PDE1A: variants seen among roughly 807,000 people sequenced by gnomAD.
PDE1A encodes the protein dual specificity calcium/calmodulin-dependent 3',5'-cyclic nucleotide phosphodiesterase 1A.
In PDE1A, 35 loss-of-function variants were observed where a neutral mutation model predicts 61.7. The ratio of observed to expected loss-of-function variants is 0.57; its 90% CI spans 0.43 to 0.75. The LOEUF is 0.75. PDE1A is among the 30% of genes least tolerant of loss of function. PDE1A has a pLI of 0.00. For synonymous variants in PDE1A, 232 were observed against 213.2 expected (o/e 1.09, Z -0.77); for missense variants, 597 against 630.6 (o/e 0.95, Z 0.57).
chr2:182,500,021 A>G (rs1451551090), intron 2 of PDE1A, among the ~76,000 whole-genome samples: 2 of 152,172 alleles, frequency 1.3e-5, no homozygotes, highest in African/African-American at 4.8e-5. Flanking sequence ...ACAAAAACAA[A>G]ATGTCTCTAA....
chr2:182,572,198 G>C, the PDE1A span, among the ~76,000 whole-genome samples: 1 of 152,158 alleles, frequency 6.6e-6, no homozygotes, highest in Admixed American at 6.5e-5. Context: ...TGTGTTTTAT[G>C]TGCTTATACG....
chr2:182,484,016 T>C (rs1240610960), intron 2 of PDE1A, among the ~76,000 whole-genome samples: 1 of 151,800 alleles, frequency 6.6e-6, no homozygotes, highest in African/African-American at 2.4e-5. Flanking sequence ...TTAGATGAAA[T>C]GGACAAATTC....
At chr2:182,555,965 C>CAAAAAAAAAAAAA in the PDE1A span, among the ~76,000 whole-genome samples, 8 of 48,436 alleles carry the variant, frequency 1.7e-4, no homozygotes, top group African/African-American at 8.3e-4. Context: ...AACTCCATCT[C>CAAAAAAAAAAAAA]AAAAAAAAAA....
chr2:182,514,958 ACC>A (rs1352566640), intron 2 of PDE1A, among the ~76,000 whole-genome samples: 4 of 152,186 alleles, frequency 2.6e-5, no homozygotes, highest in Non-Finnish European at 4.4e-5. Flanking sequence ...TTAGCCACAC[ACC>A]CAAACCATGT....
chr2:182,352,973 C>T (rs1170058292), intron 1 of PDE1A, among the ~76,000 whole-genome samples: 2 of 152,170 alleles, frequency 1.3e-5, no homozygotes, highest in African/African-American at 4.8e-5. Context: ...TTTAACATCT[C>T]ATTTCATTTG....
intron 6 of PDE1A, among the ~76,000 whole-genome samples, chr2:182,224,928 C>T (rs755394103): frequency 6.6e-5 from 10 of 151,898 alleles, no homozygotes; most frequent in South Asian, 2.1e-4. Flanking sequence ...GGTACGAATG[C>T]GGAATCCAAA....
chr2:182,619,246 T>C, the PDE1A span, among the ~76,000 whole-genome samples: 1 of 152,120 alleles, frequency 6.6e-6, no homozygotes, highest in African/African-American at 2.4e-5. Flanking sequence ...CTTGGTCAAA[T>C]AGAAAATTTA....
chr2:182,379,353 T>C (rs996071383), intron 1 of PDE1A, among the ~76,000 whole-genome samples: 2 of 152,248 alleles, frequency 1.3e-5, no homozygotes, highest in African/African-American at 4.8e-5. Context: ...AAATTACAAA[T>C]GTCAGTTTCT....
upstream of PDE1A, among the ~76,000 whole-genome samples, chr2:182,428,511 T>C (rs1703752934): frequency 6.6e-6 from 1 of 152,182 alleles, no homozygotes; most frequent in Admixed American, 6.6e-5. Context: ...ATGTCACTGT[T>C]CTCTTTATGA....
upstream of PDE1A, among the ~76,000 whole-genome samples, chr2:182,430,808 G>A (rs1303181096): frequency 7.7e-6 from 1 of 130,290 alleles, no homozygotes; most frequent in Non-Finnish European, 1.7e-5. Flanking sequence ...TCCTTTGTAG[G>A]GACATGGATG....
intron 1 of PDE1A, among the ~76,000 whole-genome samples, chr2:182,313,450 G>A (rs183341311): frequency 6.6e-6 from 1 of 152,094 alleles, no homozygotes; most frequent in East Asian, 1.9e-4. Flanking sequence ...TTTCTACATA[G>A]GCAATCAGAT....
At chr2:182,296,038 A>C (rs1387776588) in intron 1 of PDE1A, among the ~76,000 whole-genome samples, 1 of 152,212 alleles carries the variant, frequency 6.6e-6, no homozygotes, top group African/African-American at 2.4e-5. Flanking sequence ...TGAATATTTT[A>C]AGCAAGGTAA....
At chr2:182,563,022 A>C in the PDE1A span, among the ~76,000 whole-genome samples, 1 of 152,074 alleles carries the variant, frequency 6.6e-6, no homozygotes, top group East Asian at 1.9e-4. Flanking sequence ...GGATTCATTA[A>C]TTTTTTGAAG....
the PDE1A span, among the ~76,000 whole-genome samples, chr2:182,561,620 C>T: frequency 7.2e-5 from 11 of 152,164 alleles, no homozygotes; most frequent in Non-Finnish European, 1.2e-4. Flanking sequence ...GATGGGAATG[C>T]TATTGAATCT....
intron 1 of PDE1A, among the ~76,000 whole-genome samples, chr2:182,392,013 G>A (rs59907759): frequency 1.4e-3 from 209 of 152,214 alleles, no homozygotes; most frequent in African/African-American, 4.5e-3. Flanking sequence ...GTCAGGTCCC[G>A]TTGAGGAAGA....
At chr2:182,364,696 G>T (rs13004142) in intron 1 of PDE1A, among the ~76,000 whole-genome samples, 1 of 151,528 alleles carries the variant, frequency 6.6e-6, no homozygotes, top group South Asian at 2.1e-4. Context: ...TCCTGATGGA[G>T]AACTTTTAAG....
At chr2:182,483,195 G>C (rs1687809552) in intron 2 of PDE1A, among the ~76,000 whole-genome samples, 1 of 151,618 alleles carries the variant, frequency 6.6e-6, no homozygotes, top group African/African-American at 2.4e-5. Flanking sequence ...AAAACTGACA[G>C]AATTTAAAGG....
the PDE1A span, among the ~76,000 whole-genome samples, chr2:182,680,486 T>C: frequency 6.6e-6 from 1 of 152,276 alleles, no homozygotes; most frequent in Admixed American, 6.5e-5. Context: ...GGGAATTTAA[T>C]AAAAAGCATA....
rs1028004404 is a variant in PDE1A at position 182,381,510 on chromosome 2, G to A, written c.53+45068C>T. On this transcript the variant is annotated intron_variant, in intron 1 of 13. Transcript: ENST00000351439. ...GTCATGTGTTGCACAGAAAGTACAA[G>A]TTGCTTATAAACGTTATATTAGGCC... 2.0e-5 allele frequency among the ~76,000 whole-genome samples: 3 copies of A among 152,140 alleles called. No individual in the cohort carries two copies. In the East Asian group the frequency reaches 5.8e-4, roughly 29 times the overall value.
Sources: allele counts gnomAD v4.1 joint callset (sites outside exome capture counted in the v4.1 genomes callset), GRCh38; gene constraint gnomAD v4.1.1; transcripts MANE v1.5; gene names NCBI Gene and HGNC (gene_info 2026-07-23, HGNC 2026-07-21).